CCDC141: variants seen among roughly 807,000 people sequenced by gnomAD.
The protein encoded by CCDC141 is coiled-coil domain containing 141.
CCDC141 carries 168 observed loss-of-function variants against 181.0 expected under a neutral mutation model. The observed-to-expected ratio is 0.93, with a 90% CI of 0.82 to 1.05. The LOEUF is 1.05. CCDC141 is among the 50% of genes least tolerant of loss of function. The pLI, the probability that CCDC141 is intolerant of heterozygous loss-of-function variation, is 0.00. For missense variants in CCDC141, 1,902 were observed against 1,788.5 expected (o/e 1.06, Z -1.14); for synonymous variants, 666 against 642.3 (o/e 1.04, Z -0.56).
chr2:178,961,343 G>T lies in CCDC141; in HGVS notation c.667C>A (p.Leu223Ile). ...AHSSCLKVDR[L>I]LELLQDRRRQ... is the part of the protein sequence containing the mutation. The stretch of plus-strand genomic sequence containing the variant: ...CTCCTGTCTTGTAGAAGTTCAAGAA[G>T]GCGGTCAACCTTCAGACAGCTGCTA... Residue 223 changes from leucine (L) to isoleucine (I), a missense_variant, in exon 5 of 24, where the codon CTT becomes ATT. Coordinates refer to ENST00000443758, the MANE Select transcript of CCDC141 (RefSeq NM_173648.4). The T allele has an allele frequency of 6.4e-7, 1 of 1,550,572 alleles. No homozygotes were observed. Among genetic ancestry groups the T allele is most frequent in the South Asian group, 1.2e-5 (1 of 84,050 alleles).
At chr2:178,919,499 T>C (rs1419215443) in intron 6 of CCDC141, among the ~76,000 whole-genome samples, 3 of 152,198 alleles carry the variant, frequency 2.0e-5, no homozygotes, top group South Asian at 4.1e-4. Flanking sequence ...CTGGCAGAGC[T>C]ACCAGCTGAC....
chr2:179,015,889 ATC>A (rs1300674690), intron 2 of CCDC141, among the ~76,000 whole-genome samples: 1 of 131,870 alleles, frequency 7.6e-6, no homozygotes, highest in African/African-American at 3.2e-5. Flanking sequence ...TATCATATAT[ATC>A]TCATATATGT....
intron 2 of CCDC141, among the ~76,000 whole-genome samples, chr2:179,015,924 CAT>C (rs1382167301): frequency 1.7e-5 from 2 of 115,858 alleles, no homozygotes; most frequent in African/African-American, 7.0e-5. Context: ...TCATATATAT[CAT>C]ATAATTTCAT....
rs1684534232 is a variant in CCDC141, at chr2:178,837,480, T to A, written c.3739A>T (p.Ser1247Cys). The A allele has an allele frequency of 1.2e-6, 2 of 1,613,910 alleles. No homozygotes were observed. Among genetic ancestry groups the A allele is most frequent in the South Asian group, 2.2e-5 (2 of 91,078 alleles). The stretch of plus-strand genomic sequence containing the variant: ...GTCCCAGCCTGCACCCCATAGCTGC[T>A]TATGTGAAGGCTGAGGGAGGAGCTG... ...PVSSSLSLHISSYGVQAGTSS... is the reference protein window; with the variant it reads ...PVSSSLSLHICSYGVQAGTSS... Residue 1247 changes from serine (S) to cysteine (C), a missense_variant, in exon 23 of 24, where the codon AGC (serine) becomes TGC (cysteine). Transcript: ENST00000443758.
At chr2:178,937,608 C>A (rs1250475209) in intron 6 of CCDC141, among the ~76,000 whole-genome samples, 1 of 151,926 alleles carries the variant, frequency 6.6e-6, no homozygotes, top group East Asian at 1.9e-4. Context: ...GGGGAGGAGT[C>A]CTTCCTCCTC....
intron 5 of CCDC141, 22 bp from the exon 6 acceptor site, chr2:178,944,673 A>G (rs762459700): frequency 1.8e-6 from 2 of 1,137,774 alleles, no homozygotes; most frequent in Non-Finnish European, 2.5e-6. Context: ...GCAACAAAGA[A>G]AGATCAAAAT....
At chr2:178,988,623 A>G (rs1217977820) in intron 2 of CCDC141, among the ~76,000 whole-genome samples, 1 of 152,158 alleles carries the variant, frequency 6.6e-6, no homozygotes, top group Non-Finnish European at 1.5e-5. Context: ...TAAAAATTTT[A>G]TTTCACAGGC....
intron 5 of CCDC141, among the ~76,000 whole-genome samples, chr2:178,958,087 A>C (rs964305510): frequency 8.5e-5 from 13 of 152,250 alleles, no homozygotes; most frequent in African/African-American, 2.9e-4. Flanking sequence ...TGGACAAGGC[A>C]AAACTATGGG....
chr2:178,977,799 A>T (rs901650605), intron 3 of CCDC141, among the ~76,000 whole-genome samples: 11 of 152,204 alleles, frequency 7.2e-5, no homozygotes, highest in African/African-American at 2.7e-4. Context: ...GAAATTTCCA[A>T]TAACTGTCTT....
At chr2:178,984,108 G>C (rs1691585835) in intron 2 of CCDC141, among the ~76,000 whole-genome samples, 1 of 152,224 alleles carries the variant, frequency 6.6e-6, no homozygotes, top group South Asian at 2.1e-4. Context: ...CAGACTAACA[G>C]TGGATCTCTC....
At chr2:179,010,604 A>G (rs1003553655) in intron 2 of CCDC141, among the ~76,000 whole-genome samples, 1 of 152,192 alleles carries the variant, frequency 6.6e-6, no homozygotes, top group African/African-American at 2.4e-5. Flanking sequence ...ACATGCTGAG[A>G]GAATTCACCA....
At chr2:179,017,139 AAAT>A (rs2042565167) in intron 2 of CCDC141, among the ~76,000 whole-genome samples, 1 of 152,146 alleles carries the variant, frequency 6.6e-6, no homozygotes, top group South Asian at 2.1e-4. Context: ...TTGAACTTTT[AAAT>A]AATTATTTAC....
intron 21 of CCDC141, among the ~76,000 whole-genome samples, chr2:178,846,604 A>G (rs767248356): frequency 9.9e-5 from 15 of 152,190 alleles, no homozygotes; most frequent in Admixed American, 2.6e-4. Flanking sequence ...GTGCTGCTCA[A>G]TGAGTCACTC....
intron 8 of CCDC141, among the ~76,000 whole-genome samples, chr2:178,903,669 A>G (rs1687818581): frequency 6.6e-6 from 1 of 151,642 alleles, no homozygotes. Context: ...TGACGAGTTA[A>G]TGGGTGCAGC....
At chr2:178,857,312 T>A (rs894947580) in intron 17 of CCDC141, among the ~76,000 whole-genome samples, 8 of 152,156 alleles carry the variant, frequency 5.3e-5, no homozygotes, top group African/African-American at 1.9e-4. Context: ...AATATGAGAT[T>A]TAGTAGAAAA....
chr2:178,945,838 A>G (rs1259392276), intron 5 of CCDC141, among the ~76,000 whole-genome samples: 1 of 125,542 alleles, frequency 8.0e-6, no homozygotes, highest in Non-Finnish European at 1.6e-5. Context: ...CAATAAATGC[A>G]CATGACACAT....
intron 2 of CCDC141, among the ~76,000 whole-genome samples, chr2:179,009,100 A>G (rs2042191905): frequency 6.6e-6 from 1 of 152,172 alleles, no homozygotes; most frequent in African/African-American, 2.4e-5. Flanking sequence ...TGGGACCTTG[A>G]TACATGCTTT....
intron 6 of CCDC141, among the ~76,000 whole-genome samples, chr2:178,939,223 C>T (rs1198288744): frequency 6.6e-6 from 1 of 152,306 alleles, no homozygotes; most frequent in African/African-American, 2.4e-5. Flanking sequence ...TGTCCCCATA[C>T]TGAAATTCTC....
At position 178,865,657 on chromosome 2, in the gene CCDC141, G is replaced by A. The variant is rs1685811800; in HGVS notation, c.2724+110C>T. ...TGAGAAGAAAGTCTCCTGATTCATTGTGTGTTTGCATGTGTGTGGGAGTGT... is the reference window on the plus strand; with the variant it reads ...TGAGAAGAAAGTCTCCTGATTCATTATGTGTTTGCATGTGTGTGGGAGTGT... On this transcript the variant is annotated intron_variant, in intron 17 of 23. Transcript: ENST00000443758. 3.0e-6 allele frequency: 3 copies of A among 1,001,268 alleles called. No individual in the cohort carries two copies. The South Asian group carries it at 1.1e-4, about 38-fold the overall frequency. 62.0% of individuals were successfully genotyped at this position (1,001,268 alleles called of 1,614,324 possible).
Sources: gnomAD v4.1 joint callset for allele counts (sites outside exome capture counted in the v4.1 genomes callset) on GRCh38, gnomAD v4.1.1 for gene constraint, MANE v1.5 for transcripts, NCBI Gene and HGNC (gene_info 2026-07-23, HGNC 2026-07-21) for gene names.